Variants in SH3BGRL observed in about 807,000 individuals in gnomAD.
SH3BGRL encodes SH3 domain binding glutamate rich protein like, also known as adapter SH3BGRL.
Under a neutral mutation model 9.8 loss-of-function variants are expected in SH3BGRL, and 7 were observed. The observed-to-expected ratio is 0.72, with a 90% CI of 0.41 to 1.35. The LOEUF (loss-of-function observed/expected upper bound fraction) is 1.35. SH3BGRL is among the 40% of genes most tolerant of loss of function. The pLI, the probability that SH3BGRL is intolerant of heterozygous loss-of-function variation, is 0.01. For synonymous variants in SH3BGRL, 36 were observed against 29.1 expected (o/e 1.24, Z -0.76); for missense variants, 73 against 84.4 (o/e 0.86, Z 0.53).
At chrX:81,275,185 G>T (rs1801354675) in intron 1 of SH3BGRL, among the ~76,000 whole-genome samples, 2 of 111,300 alleles carry the variant, frequency 1.8e-5, no homozygotes, top group Non-Finnish European at 3.8e-5. Flanking sequence ...ATGCAAATGT[G>T]ACTGATGACA....
chrX:81,281,512 C>A (rs1422687755), intron 3 of SH3BGRL, among the ~76,000 whole-genome samples: 1 of 112,114 alleles, frequency 8.9e-6, no homozygotes, highest in Non-Finnish European at 1.9e-5. Context: ...AAGGCCCTAT[C>A]TTCAGCCTCC....
chrX:81,233,729 A>G (rs2075639664), intron 1 of SH3BGRL, among the ~76,000 whole-genome samples: 1 of 110,799 alleles, frequency 9.0e-6, no homozygotes, highest in Admixed American at 9.6e-5. Flanking sequence ...TTTTACATTT[A>G]AGAAAACTGA....
intron 1 of SH3BGRL, among the ~76,000 whole-genome samples, chrX:81,230,250 G>A (rs1423670643): frequency 8.9e-6 from 1 of 112,430 alleles, no homozygotes; most frequent in Non-Finnish European, 1.9e-5. Flanking sequence ...TGAGGATTCA[G>A]TGTTGAACAG....
intron 1 of SH3BGRL, among the ~76,000 whole-genome samples, chrX:81,216,810 A>T (rs764315585): frequency 3.6e-5 from 4 of 111,824 alleles, no homozygotes; most frequent in African/African-American, 1.3e-4. Flanking sequence ...TCCATTGTGT[A>T]TATGTGCCAC....
intron 1 of SH3BGRL, among the ~76,000 whole-genome samples, chrX:81,221,057 T>C (rs1323409880): frequency 1.8e-5 from 2 of 111,765 alleles, no homozygotes; most frequent in African/African-American, 6.5e-5. Flanking sequence ...TTGAGAATGA[T>C]CTATGTGCTG....
intron 1 of SH3BGRL, among the ~76,000 whole-genome samples, chrX:81,231,485 A>T (rs1226620295): frequency 1.8e-5 from 2 of 112,247 alleles, no homozygotes; most frequent in Non-Finnish European, 3.8e-5. Flanking sequence ...ATCATTTTGG[A>T]TACTTTCTTT....
intron 1 of SH3BGRL, among the ~76,000 whole-genome samples, chrX:81,217,786 T>C (rs1228710941): frequency 9.0e-6 from 1 of 111,594 alleles, no homozygotes; most frequent in Non-Finnish European, 1.9e-5. Flanking sequence ...GGGTACACTT[T>C]AAGTCAGTTG....
chrX:81,236,696 G>A (rs190978400), intron 1 of SH3BGRL, among the ~76,000 whole-genome samples: 2 of 111,852 alleles, frequency 1.8e-5, no homozygotes, highest in Non-Finnish European at 3.8e-5. Context: ...TTTCTAAAAG[G>A]GCTGAAAACT....
chrX:81,241,127 T>A (rs970903213), intron 1 of SH3BGRL, among the ~76,000 whole-genome samples: 1 of 112,406 alleles, frequency 8.9e-6, no homozygotes, highest in African/African-American at 3.2e-5. Context: ...CTTGTCTGGG[T>A]GTTGTAGCAA....
Position 81,252,613 on chromosome X carries a change from A to G in SH3BGRL, c.46-24371A>G, listed in dbSNP as rs748048044. Among the ~76,000 whole-genome samples, 16 of 111,924 alleles carry G rather than the reference A, an allele frequency of 1.4e-4. No homozygotes were observed. In the South Asian group the frequency reaches 5.9e-3, roughly 41 times the overall value. On this transcript the variant is annotated intron_variant, in intron 1 of 3. Coordinates refer to ENST00000373212, the MANE Select transcript of SH3BGRL (RefSeq NM_003022.3). Reference sequence around the variant, plus strand: ...AATACAGTAACCCTAATGATATCTGATGAGCTAAAAAAAAATTCCAAAAAA... The same window carrying G: ...AATACAGTAACCCTAATGATATCTGGTGAGCTAAAAAAAAATTCCAAAAAA...
At chrX:81,293,508 C>A (rs1271610918) in intron 3 of SH3BGRL, among the ~76,000 whole-genome samples, 1 of 111,537 alleles carries the variant, frequency 9.0e-6, no homozygotes, top group Non-Finnish European at 1.9e-5. Flanking sequence ...CATGCTGAAA[C>A]CCTGTCTCTA....
intron 1 of SH3BGRL, among the ~76,000 whole-genome samples, chrX:81,225,999 T>G (rs1303702059): frequency 9.0e-6 from 1 of 111,385 alleles, no homozygotes; most frequent in East Asian, 2.8e-4. Flanking sequence ...CACCATGCTA[T>G]GTACAATAGA....
intron 3 of SH3BGRL, among the ~76,000 whole-genome samples, chrX:81,284,129 A>G (rs1054801271): frequency 9.0e-6 from 1 of 110,936 alleles, no homozygotes; most frequent in African/African-American, 3.3e-5. Flanking sequence ...AGACCTCTAC[A>G]AGGAAAACTG....
chrX:81,272,591 C>T (rs1274835405), intron 1 of SH3BGRL, among the ~76,000 whole-genome samples: 3 of 107,151 alleles, frequency 2.8e-5, no homozygotes, highest in African/African-American at 1.0e-4. Context: ...AGCTCCACCT[C>T]CTGGGTTCAG....
At chrX:81,231,830 T>C (rs2075633767) in intron 1 of SH3BGRL, among the ~76,000 whole-genome samples, 1 of 112,411 alleles carries the variant, frequency 8.9e-6, no homozygotes, top group Non-Finnish European at 1.9e-5. Flanking sequence ...AGCAATATTT[T>C]CTGGGTGCTA....
At chrX:81,260,388 T>A (rs2075737565) in intron 1 of SH3BGRL, among the ~76,000 whole-genome samples, 1 of 111,747 alleles carries the variant, frequency 8.9e-6, no homozygotes, top group African/African-American at 3.3e-5. Context: ...TCTCATAAGG[T>A]TATTGTTAGA....
At chrX:81,256,896 T>G (rs2075726890) in intron 1 of SH3BGRL, among the ~76,000 whole-genome samples, 1 of 111,813 alleles carries the variant, frequency 8.9e-6, no homozygotes, top group Non-Finnish European at 1.9e-5. Context: ...AAGACTTTCC[T>G]ATATTATGGT....
Position 81,270,328 on chromosome X carries a change from C to T in SH3BGRL, c.46-6656C>T, listed in dbSNP as rs931398640. ...GTTTTTGCAATTTTCCACCTTTCTGCTCTGGTTTCTCACCATCTTTGTGGA... is the reference window on the plus strand; with the variant it reads ...GTTTTTGCAATTTTCCACCTTTCTGTTCTGGTTTCTCACCATCTTTGTGGA... On this transcript the variant is annotated intron_variant, in intron 1 of 3. Coordinates refer to ENST00000373212, the MANE Select transcript of SH3BGRL (RefSeq NM_003022.3). 9.8e-5 allele frequency among the ~76,000 whole-genome samples: 11 copies of T among 111,875 alleles called. No individual in the cohort carries two copies. In the East Asian group the frequency reaches 2.6e-3, roughly 26 times the overall value.
chrX:81,244,866 C>A (rs2075683341), intron 1 of SH3BGRL, among the ~76,000 whole-genome samples: 1 of 111,211 alleles, frequency 9.0e-6, no homozygotes, highest in South Asian at 3.8e-4. Context: ...AAGAAAGATT[C>A]TTTCCTGTCC....
Sources: allele counts gnomAD v4.1 joint callset (sites outside exome capture counted in the v4.1 genomes callset), GRCh38; gene constraint gnomAD v4.1.1; transcripts MANE v1.5; gene names NCBI Gene and HGNC (gene_info 2026-07-23, HGNC 2026-07-21).